CPZ: variants seen among roughly 807,000 people sequenced by gnomAD.
CPZ encodes carboxypeptidase Z, also known as VEZT/CPZ fusion.
In CPZ, 103 loss-of-function variants were observed where a neutral mutation model predicts 61.8. The observed-to-expected ratio is 1.67, with a 90% CI of 1.42 to 1.96. CPZ has a LOEUF of 1.96. Among genes scored for constraint, CPZ ranks in the 30% most tolerant of loss-of-function variants. The pLI, the probability that CPZ is intolerant of heterozygous loss-of-function variation, is 0.00. For synonymous variants in CPZ, 551 were observed against 373.7 expected, an observed-to-expected ratio of 1.47 and a Z score of -5.47; for missense variants, 1,461 against 914.9, an observed-to-expected ratio of 1.60 and a Z score of -7.70.
chr4:8,608,275 C>T (rs1002981346), intron 7 of CPZ, among the ~76,000 whole-genome samples: 3 of 152,054 alleles, frequency 2.0e-5, no homozygotes, highest in Non-Finnish European at 4.4e-5. Context: ...CCCCAGGCTT[C>T]GCGTGGAGAG....
intron 7 of CPZ, chr4:8,611,062 ACTCATTCACTCATTCATTCG>A (rs564798174): frequency 0.035 from 13,214 of 378,586 alleles, 342 homozygotes; most frequent in Non-Finnish European, 0.048. Context: ...TCGCTCACTC[ACTCATTCACTCATTCATTCG>A]CTCATTCACT....
intron 1 of CPZ, among the ~76,000 whole-genome samples, chr4:8,596,716 C>T (rs891350178): frequency 2.6e-5 from 4 of 152,216 alleles, no homozygotes; most frequent in Non-Finnish European, 5.9e-5. Flanking sequence ...ATCCTGGAGT[C>T]TTAGTGCCCT....
At chr4:8,603,933 C>G in intron 3 of CPZ, 43 bp from the exon 4 acceptor site, 1 of 1,571,688 alleles carries the variant, frequency 6.4e-7, no homozygotes, top group Non-Finnish European at 8.7e-7. Flanking sequence ...GGTAGGAAGC[C>G]TGGGGGCCTG....
chr4:8,606,890 T>G lies in CPZ; in HGVS notation c.1060T>G (p.Trp354Gly), dbSNP rs1553877082. The G allele has an allele frequency of 5.6e-6, 9 of 1,609,490 alleles. No homozygotes were observed. Among genetic ancestry groups the G allele is most frequent in the Non-Finnish European group, 5.9e-6 (7 of 1,178,284 alleles). The change falls in exon 6 of 11, where the codon TGG becomes GGG. Residue 354 changes from tryptophan to glycine, a missense_variant. Physicochemically the swap from Trp to Gly is radical, Grantham distance 184. Transcript: ENST00000360986. ...DHIPIPQHYW[W>G]GKVAPETKAI... The stretch of plus-strand genomic sequence containing the variant: ...CATCCCCATCCCCCAGCACTACTGG[T>G]GGGGTAAGGTAGGAGCCGCCGCTGC...
rs1228461204 is a variant in CPZ, at chr4:8,605,626, CATT to C, written c.710-362_710-360del. 4.1e-3 allele frequency among the ~76,000 whole-genome samples: 452 copies of C among 111,088 alleles called. 3 individuals carry two copies. Among genetic ancestry groups the C allele is most frequent in the African/African-American group, 0.022 (413 of 18,854 alleles). The allele number at this position is 111,088 out of a possible 152,430, so 72.9% of individuals were successfully genotyped here. ...TCCATCCATCCATCCATCCATCCAT[CATT>C]GATATATCCATTCATCCACTCAAGG... is the stretch of plus-strand genomic sequence containing the variant. On this transcript the variant is annotated intron_variant, in intron 4 of 10. Coordinates refer to ENST00000360986, the MANE Select transcript of CPZ (RefSeq NM_001014447.3).
intron 7 of CPZ, among the ~76,000 whole-genome samples, chr4:8,608,749 G>C (rs73213385): frequency 0.062 from 9,359 of 152,064 alleles, 579 homozygotes; most frequent in African/African-American, 0.15. Flanking sequence ...TTTCCCAAAA[G>C]GTCTCCACAG....
At chr4:8,604,884 T>C (rs192207554) in intron 4 of CPZ, among the ~76,000 whole-genome samples, 99 of 152,356 alleles carry the variant, frequency 6.5e-4, no homozygotes, top group Middle Eastern at 3.4e-3. Context: ...TTCATCCTAC[T>C]GGTCTGGGCA....
At chr4:8,599,744 C>T (rs1438609888) in intron 2 of CPZ, 3 of 514,752 alleles carry the variant, frequency 5.8e-6, no homozygotes, top group African/African-American at 3.8e-5. Flanking sequence ...CTCTCCATCC[C>T]TCTCCAGTCC....
rs79736750 is a variant in CPZ at position 8,592,889 on chromosome 4, G to C, written c.56G>C (p.Arg19Pro). Residue 19 changes from arginine to proline, a missense_variant, in exon 1 of 11, where the codon CGG becomes CCG. Coordinates refer to ENST00000360986, the MANE Select transcript of CPZ (RefSeq NM_001014447.3). Reference protein sequence around the residue: ...LLTVLVVAAARPGCEFERNPA... With the variant: ...LLTVLVVAAAPPGCEFERNPA... ...ACAGTCCTGGTCGTCGCCGCTGCCCGGCCGGGGTGCGAGTTTGAGCGGAAC... is the reference window on the plus strand; with the variant it reads ...ACAGTCCTGGTCGTCGCCGCTGCCCCGCCGGGGTGCGAGTTTGAGCGGAAC... The C allele has an allele frequency of 0.18, 274,965 of 1,531,574 alleles. 26,708 individuals carry two copies. The highest frequency in any genetic ancestry group is 0.2 in the Non-Finnish European group (226,648 of 1,142,122). The allele number at this position is 1,531,574 out of a possible 1,614,324, so 94.9% of individuals were successfully genotyped here. A position where few individuals can be genotyped will look rare whatever the true frequency, so the allele number is the denominator to read the frequency against.
intron 3 of CPZ, chr4:8,603,578 G>A (rs1714732806): frequency 4.2e-6 from 1 of 237,558 alleles, no homozygotes; most frequent in Admixed American, 5.3e-5. Flanking sequence ...GCAGAATACT[G>A]AACTGCCTGA....
intron 5 of CPZ, among the ~76,000 whole-genome samples, 197 bp from the exon 6 acceptor site, chr4:8,606,540 C>A (rs1402303173): frequency 1.3e-5 from 2 of 152,050 alleles, no homozygotes; most frequent in Admixed American, 6.5e-5. Flanking sequence ...CAGGGAAGGC[C>A]CCAAGGCTGT....
chr4:8,599,028 A>G (rs762873999), intron 1 of CPZ, among the ~76,000 whole-genome samples: 1 of 152,126 alleles, frequency 6.6e-6, no homozygotes, highest in Non-Finnish European at 1.5e-5. Flanking sequence ...CTGACAGTTA[A>G]AACTTTTGGA....
intron 9 of CPZ, among the ~76,000 whole-genome samples, chr4:8,616,645 C>T (rs1265888916): frequency 6.6e-6 from 1 of 152,154 alleles, no homozygotes; most frequent in Non-Finnish European, 1.5e-5. Context: ...GTATTCTTAG[C>T]AGAGAAGGCT....
intron 9 of CPZ, among the ~76,000 whole-genome samples, chr4:8,615,936 G>C (rs193156943): frequency 6.6e-6 from 1 of 152,202 alleles, no homozygotes; most frequent in Admixed American, 6.5e-5. Flanking sequence ...TGGCTGTGCC[G>C]CAGCCCTGCA....
chr4:8,610,823 T>C (rs1418843126), intron 7 of CPZ, among the ~76,000 whole-genome samples: 2 of 151,968 alleles, frequency 1.3e-5, no homozygotes, highest in Admixed American at 1.3e-4. Context: ...GTGCCCTTGG[T>C]TTGTGTCTGT....
intron 2 of CPZ, 71 bp from the exon 3 acceptor site, chr4:8,601,052 A>G: frequency 6.7e-7 from 1 of 1,496,598 alleles, no homozygotes. Context: ...GGGGTCCCCT[A>G]CGTAAATGTC....
At chr4:8,595,796 G>T (rs572911939) in intron 1 of CPZ, among the ~76,000 whole-genome samples, 1 of 152,208 alleles carries the variant, frequency 6.6e-6, no homozygotes, top group Non-Finnish European at 1.5e-5. Context: ...GAGGCCTCAC[G>T]GGATTAGGGC....
At chr4:8,613,132 C>CT (rs1715854059) in intron 8 of CPZ, among the ~76,000 whole-genome samples, 1 of 134,668 alleles carries the variant, frequency 7.4e-6, no homozygotes, top group South Asian at 2.4e-4. Flanking sequence ...CCTCTCTGTT[C>CT]CTTTTTTTTT....
At chr4:8,616,056 G>C (rs2109346215) in intron 9 of CPZ, among the ~76,000 whole-genome samples, 1 of 152,294 alleles carries the variant, frequency 6.6e-6, no homozygotes, top group Admixed American at 6.5e-5. Context: ...GGATGTGGCT[G>C]GCATTGCTCC....
Sources: gnomAD v4.1 joint callset for allele counts (sites outside exome capture counted in the v4.1 genomes callset) on GRCh38, gnomAD v4.1.1 for gene constraint, MANE v1.5 for transcripts, NCBI Gene and HGNC (gene_info 2026-07-23, HGNC 2026-07-21) for gene names.